Variants in SLCO1B3 observed in about 807,000 individuals in gnomAD.
SLCO1B3 encodes liver-specific organic anion transporter 2.
SLCO1B3 carries 72 observed loss-of-function variants against 71.8 expected under a neutral mutation model. That is an observed-to-expected ratio of 1.00 (90% CI 0.83 to 1.22). The LOEUF is 1.22. SLCO1B3 is among the 50% of genes most tolerant of loss of function. SLCO1B3 has a pLI of 0.00. For missense variants in SLCO1B3, 911 were observed against 819.7 expected, an observed-to-expected ratio of 1.11 and a Z score of -1.36; for synonymous variants, 298 against 278.4, an observed-to-expected ratio of 1.07 and a Z score of -0.70.
At chr12:20,909,415 C>T (rs546860331) in intron 15 of SLCO1B3, among the ~76,000 whole-genome samples, 25 of 151,246 alleles carry the variant, frequency 1.7e-4, no homozygotes, top group East Asian at 1.6e-3. Flanking sequence ...CCTTGTGATC[C>T]GCCCGCCTTG....
intron 3 of SLCO1B3, among the ~76,000 whole-genome samples, chr12:20,853,023 A>G (rs1372773720): frequency 2.0e-5 from 3 of 152,064 alleles, no homozygotes; most frequent in Admixed American, 1.3e-4. Flanking sequence ...TGAGATGATC[A>G]TGTGGTTTTG....
intron 3 of SLCO1B3, among the ~76,000 whole-genome samples, chr12:20,827,573 C>CT (rs34082239): frequency 2.6e-4 from 39 of 150,766 alleles, no homozygotes; most frequent in African/African-American, 8.5e-4. Flanking sequence ...CTTCCAATTT[C>CT]TTTTTTTTTT....
chr12:20,868,989 T>C (rs971128023), intron 8 of SLCO1B3, among the ~76,000 whole-genome samples: 1 of 152,030 alleles, frequency 6.6e-6, no homozygotes, highest in African/African-American at 2.4e-5. Context: ...CAGAGCCAAG[T>C]GTACAGGATG....
intron 10 of SLCO1B3, 114 bp from the exon 11 acceptor site, chr12:20,879,322 A>T: frequency 2.7e-6 from 2 of 738,180 alleles, no homozygotes; most frequent in Non-Finnish European, 4.1e-6. Flanking sequence ...CCCTTCTCTT[A>T]AAGAAATAAG....
chr12:20,905,840 A>C (rs1225884184), intron 15 of SLCO1B3, among the ~76,000 whole-genome samples: 10 of 152,196 alleles, frequency 6.6e-5, no homozygotes, highest in Middle Eastern at 3.2e-3. Flanking sequence ...CTCGTTACTC[A>C]GTTCCAAAGT....
At chr12:20,840,556 AT>A (rs1162204029) in intron 3 of SLCO1B3, among the ~76,000 whole-genome samples, 3 of 151,656 alleles carry the variant, frequency 2.0e-5, no homozygotes, top group Non-Finnish European at 4.4e-5. Flanking sequence ...CACCCAGCTA[AT>A]TTTTTTGTAT....
chr12:20,854,132 A>G (rs1022064556), intron 3 of SLCO1B3, among the ~76,000 whole-genome samples: 1 of 152,012 alleles, frequency 6.6e-6, no homozygotes, highest in Non-Finnish European at 1.5e-5. Flanking sequence ...ACGGTGGTCT[A>G]TCTTGGAGAA....
chr12:20,896,492 A>G (rs967885024), intron 13 of SLCO1B3, among the ~76,000 whole-genome samples: 4 of 152,198 alleles, frequency 2.6e-5, no homozygotes, highest in Non-Finnish European at 2.9e-5. Context: ...TCACTAAAAT[A>G]TGACAAGCAT....
intron 3 of SLCO1B3, among the ~76,000 whole-genome samples, chr12:20,833,233 C>T (rs1158685750): frequency 2.0e-5 from 3 of 152,046 alleles, no homozygotes; most frequent in African/African-American, 7.2e-5. Flanking sequence ...TGTTTTAAGT[C>T]ATCTGTTTAG....
chr12:20,836,578 G>T (rs1263901147), intron 3 of SLCO1B3, among the ~76,000 whole-genome samples: 4 of 152,100 alleles, frequency 2.6e-5, no homozygotes, highest in African/African-American at 4.8e-5. Context: ...AGTATAACAT[G>T]TTTCTTAAAT....
intron 8 of SLCO1B3, among the ~76,000 whole-genome samples, chr12:20,865,621 A>AT (rs1328672487): frequency 6.6e-6 from 1 of 152,084 alleles, no homozygotes; most frequent in Non-Finnish European, 1.5e-5. Context: ...TATTGGAAAC[A>AT]TTTTTCGAGA....
intron 5 of SLCO1B3, among the ~76,000 whole-genome samples, chr12:20,860,650 TCAGA>T (rs1323407204): frequency 2.0e-4 from 28 of 140,468 alleles, no homozygotes; most frequent in African/African-American, 7.4e-4. Context: ...TGAAAGAAAA[TCAGA>T]CAGATTGACC....
intron 15 of SLCO1B3, chr12:20,902,061 C>G (rs942857033): frequency 1.9e-5 from 5 of 260,424 alleles, no homozygotes; most frequent in African/African-American, 4.7e-5. Context: ...TAGAACTACT[C>G]ATAGTAGAAT....
chr12:20,901,890 C>T (rs867529574), intron 15 of SLCO1B3: 2 of 439,232 alleles, frequency 4.6e-6, no homozygotes, highest in Non-Finnish European at 9.0e-6. Context: ...CATTACTCTT[C>T]TATTCATAGG....
Position 20,826,715 on chromosome 12 carries a change from A to G in SLCO1B3, c.84+10893A>G, listed in dbSNP as rs151119875. 5.6e-3 allele frequency among the ~76,000 whole-genome samples: 855 copies of G among 151,950 alleles called. 7 individuals are homozygous for G. Among genetic ancestry groups the G allele is most frequent in the African/African-American group, 0.02 (830 of 41,514 alleles). On this transcript the variant is annotated intron_variant, in intron 3 of 15. Transcript: ENST00000381545. ...AATTAATCACACAAGATTCTTTCTC[A>G]TATAAAATTATTTTCCCTTCAGCTT...
chr12:20,836,975 A>G (rs1022178019), intron 3 of SLCO1B3, among the ~76,000 whole-genome samples: 3 of 152,174 alleles, frequency 2.0e-5, no homozygotes, highest in African/African-American at 7.2e-5. Flanking sequence ...TTACTTGACA[A>G]TCTAATTTCT....
In SLCO1B3 at chr12:20,813,653, G is replaced by C. The variant is rs1323612892; in HGVS notation, c.-66+15G>C. ...ACATATGCTATGTAAGTTTCCCTCA[G>C]GCATGAACTACAGTGCTATTGGCCA... is the stretch of plus-strand genomic sequence containing the variant. On this transcript the variant is annotated intron_variant, in intron 2 of 15. Coordinates refer to ENST00000381545, the MANE Select transcript of SLCO1B3 (RefSeq NM_019844.4). 6.6e-6 allele frequency: 1 copy of C among 152,126 alleles called. No individual in the cohort carries two copies. Among genetic ancestry groups the C allele is most frequent in the African/African-American group, 2.4e-5 (1 of 41,424 alleles). 9.4% of individuals were successfully genotyped at this position (152,126 alleles called of 1,614,324 possible).
intron 14 of SLCO1B3, among the ~76,000 whole-genome samples, chr12:20,901,051 T>C (rs966857638): frequency 6.6e-6 from 1 of 152,134 alleles, no homozygotes; most frequent in African/African-American, 2.4e-5. Flanking sequence ...TTTTTACCAA[T>C]CAGACTTAAG....
chr12:20,816,060 T>A (rs975751867), intron 3 of SLCO1B3, among the ~76,000 whole-genome samples: 3 of 152,190 alleles, frequency 2.0e-5, no homozygotes, highest in Non-Finnish European at 4.4e-5. Context: ...TTTTTAACTT[T>A]TTAATTTTTA....
Sources: allele counts gnomAD v4.1 joint callset (sites outside exome capture counted in the v4.1 genomes callset), GRCh38; gene constraint gnomAD v4.1.1; transcripts MANE v1.5; gene names NCBI Gene and HGNC (gene_info 2026-07-23, HGNC 2026-07-21).